The following PCDHGB5 variants were observed in gnomAD, a reference collection of about 807,000 sequenced individuals.
PCDHGB5 encodes protocadherin gamma-B5.
A neutral mutation model predicts 62.9 loss-of-function variants in PCDHGB5; 48 were observed. The observed-to-expected ratio is 0.76, with a 90% CI of 0.61 to 0.97. The LOEUF is 0.97. Ranked by LOEUF, PCDHGB5 falls within the 50% of genes least tolerant of loss-of-function variation. PCDHGB5 has a pLI of 0.00. For synonymous variants in PCDHGB5, 474 were observed against 511.2 expected (o/e 0.93, Z 0.98); for missense variants, 1,118 against 1,198.6 (o/e 0.93, Z 0.99).
Position 141,430,800 on chromosome 5 carries a change from T to C in PCDHGB5, c.2397+30276T>C, listed in dbSNP as rs770490590. 2.6e-6 allele frequency: 4 copies of C among 1,524,818 alleles called. No homozygotes were observed. In the South Asian group the frequency reaches 5.3e-5, roughly 20 times the overall value. 94.5% of individuals were successfully genotyped at this position (1,524,818 alleles called of 1,614,324 possible). A position where few individuals can be genotyped will look rare whatever the true frequency, so the allele number is the denominator to read the frequency against. ...CTGCACCGGGACTACAAAGGGCTTG[T>C]CCTGCTGGGAATCCTCCTGGGGACT... is the stretch of plus-strand genomic sequence containing the variant. On this transcript the variant is annotated intron_variant, in intron 1 of 3. Transcript: ENST00000617380.
chr5:141,419,539 G>A, intron 1 of PCDHGB5: 3 of 1,612,058 alleles, frequency 1.9e-6, no homozygotes, highest in Non-Finnish European at 2.5e-6. Flanking sequence ...ACAACGCACC[G>A]CGGGTGCTGT....
At chr5:141,497,827 C>T (rs1390986916) in intron 2 of PCDHGB5, among the ~76,000 whole-genome samples, 3 of 152,188 alleles carry the variant, frequency 2.0e-5, no homozygotes, top group East Asian at 3.9e-4. Flanking sequence ...GGTGTGATCG[C>T]CCCCGGCCAC....
At chr5:141,439,266 G>A (rs1314903524) in intron 1 of PCDHGB5, among the ~76,000 whole-genome samples, 1 of 151,952 alleles carries the variant, frequency 6.6e-6, no homozygotes, top group Non-Finnish European at 1.5e-5. Context: ...TCAGCCAACA[G>A]TTCATTCTGA....
In PCDHGB5 at chr5:141,488,566, A is replaced by T. The variant is rs1354931497; in HGVS notation, c.2398-6241A>T. On this transcript the variant is annotated intron_variant, in intron 1 of 3. Coordinates refer to ENST00000617380, the MANE Select transcript of PCDHGB5 (RefSeq NM_018925.3). ...TGTCAGCTGACATTGAGATTTCCGC[A>T]AAGCATTGCTGGAGAGTCAGGGCAA... 5.9e-5 allele frequency among the ~76,000 whole-genome samples: 9 copies of T among 152,324 alleles called. No individual in the cohort carries two copies. In the East Asian group the frequency reaches 1.5e-3, roughly 26 times the overall value.
chr5:141,405,375 C>T lies in PCDHGB5; in HGVS notation c.2397+4851C>T, dbSNP rs368501516. On this transcript the variant is annotated intron_variant, in intron 1 of 3. Transcript: ENST00000617380. ...CCTATAGAAGACACCCCTTTGGTTC[C>T]GGTGAGTTCATTTTTTTTCTTTCTT... The T allele has an allele frequency of 3.2e-5, 51 of 1,602,124 alleles. No individual in the cohort carries two copies. Among genetic ancestry groups the T allele is most frequent in the East Asian group, 6.7e-5 (3 of 44,850 alleles).
intron 1 of PCDHGB5, among the ~76,000 whole-genome samples, chr5:141,463,999 C>A (rs1261262637): frequency 1.3e-5 from 2 of 152,056 alleles, no homozygotes; most frequent in African/African-American, 4.8e-5. Flanking sequence ...GGTGCAGTGG[C>A]TCATGCTTGT....
intron 3 of PCDHGB5, among the ~76,000 whole-genome samples, chr5:141,506,441 T>C (rs1940889203): frequency 9.8e-6 from 1 of 101,930 alleles, no homozygotes; most frequent in South Asian, 3.0e-4. Flanking sequence ...TCTCGCTCTG[T>C]CTCAAAAAAA....
chr5:141,422,833 C>T, intron 1 of PCDHGB5: 2 of 1,614,224 alleles, frequency 1.2e-6, no homozygotes, highest in East Asian at 2.2e-5. Context: ...AGTGATAGCA[C>T]GTGACAGCGG....
chr5:141,432,561 A>C lies in PCDHGB5; in HGVS notation c.2397+32037A>C, dbSNP rs746684751. On this transcript the variant is annotated intron_variant, in intron 1 of 3. Transcript: ENST00000617380. This position sits in a 1 kb window ranked among gnomAD's most constrained non-coding sequence, Gnocchi z 6.0. Reference sequence around the variant, plus strand: ...GCGGTGGACAGAGACTCCGGCCAGAACGCCTGGCTGTCCTACCGTCTGCTC... The same window carrying C: ...GCGGTGGACAGAGACTCCGGCCAGACCGCCTGGCTGTCCTACCGTCTGCTC... 37 of 1,613,308 alleles carry C rather than the reference A, an allele frequency of 2.3e-5. 1 individual carries two copies. The highest frequency in any genetic ancestry group is 2.7e-5 in the African/African-American group (2 of 74,712).
rs1430647254 is a variant in PCDHGB5 at position 141,477,750 on chromosome 5, C to T, written c.2398-17057C>T. On this transcript the variant is annotated intron_variant, in intron 1 of 3. Coordinates refer to ENST00000617380, the MANE Select transcript of PCDHGB5 (RefSeq NM_018925.3). This position sits in a 1 kb window ranked among gnomAD's most constrained non-coding sequence, Gnocchi z 4.9. ...GCTCATATCAGCGATGGGGGCACCC[C>T]GGTCCTAGCCACCAACATCAGCGTG... 8 of 1,613,772 alleles carry T rather than the reference C, an allele frequency of 5.0e-6. No individual in the cohort carries two copies. Among genetic ancestry groups the T allele is most frequent in the East Asian group, 2.2e-5 (1 of 44,890 alleles).
rs866752085 is a variant in PCDHGB5, at chr5:141,424,634, A to G, written c.2397+24110A>G. ...AATAGAGTAGTTTGTGAATATATAA[A>G]TAGATTGAAGGTATTTGGACTTTAA... On this transcript the variant is annotated intron_variant, in intron 1 of 3. Coordinates refer to ENST00000617380, the MANE Select transcript of PCDHGB5 (RefSeq NM_018925.3). 6 of 152,338 alleles carry G rather than the reference A, an allele frequency of 3.9e-5. No individual in the cohort carries two copies. The South Asian group carries it at 1.2e-3, about 32-fold the overall frequency. 9.4% of individuals were successfully genotyped at this position (152,338 alleles called of 1,614,324 possible).
At chr5:141,409,898 G>A in intron 1 of PCDHGB5, 1 of 1,613,240 alleles carries the variant, frequency 6.2e-7, no homozygotes, top group Non-Finnish European at 8.5e-7. Flanking sequence ...GCTGTACCCA[G>A]CTCTGGGTCC....
Position 141,489,662 on chromosome 5 carries a change from G to T in PCDHGB5, c.2398-5145G>T, listed in dbSNP as rs2233601. On this transcript the variant is annotated intron_variant, in intron 1 of 3. Transcript: ENST00000617380. The surrounding 1 kb of genome is among the most constrained non-coding windows in gnomAD (Gnocchi z 4.5). Reference sequence around the variant, plus strand: ...TTTGCCACCCCTGAGCGAGAGATGCGCATCTCAGAATCAGCAGCATCTGGG... The same window carrying T: ...TTTGCCACCCCTGAGCGAGAGATGCTCATCTCAGAATCAGCAGCATCTGGG... 2.5e-6 allele frequency: 4 copies of T among 1,614,024 alleles called. No homozygotes were observed. The African/African-American group carries it at 4.0e-5, about 16-fold the overall frequency.
chr5:141,409,686 A>T, intron 1 of PCDHGB5: 3 of 1,613,350 alleles, frequency 1.9e-6, no homozygotes, highest in Non-Finnish European at 2.5e-6. Context: ...GTGGCGAGTG[A>T]CCTAGAGCCC....
At position 141,491,744 on chromosome 5, in the gene PCDHGB5, C is replaced by T; in HGVS notation, c.2398-3063C>T. 6.3e-7 allele frequency: 1 copy of T among 1,592,720 alleles called. No individual in the cohort carries two copies. Among genetic ancestry groups the T allele is most frequent in the African/African-American group, 1.3e-5 (1 of 74,122 alleles). Reference sequence around the variant, plus strand: ...CCCCGGGCGACCCCTGGGGGCGGCACTGGAGAAGCCGCCCGTCCTCATAAG... The same window carrying T: ...CCCCGGGCGACCCCTGGGGGCGGCATTGGAGAAGCCGCCCGTCCTCATAAG... On this transcript the variant is annotated intron_variant, in intron 1 of 3. Transcript: ENST00000617380. The surrounding 1 kb of genome is among the most constrained non-coding windows in gnomAD (Gnocchi z 6.9).
Position 141,489,381 on chromosome 5 carries a change from T to C in PCDHGB5, c.2398-5426T>C. 3 of 1,613,894 alleles carry C rather than the reference T, an allele frequency of 1.9e-6. No individual in the cohort carries two copies. The highest frequency in any genetic ancestry group is 2.5e-6 in the Non-Finnish European group (3 of 1,179,802). On this transcript the variant is annotated intron_variant, in intron 1 of 3. Coordinates refer to ENST00000617380, the MANE Select transcript of PCDHGB5 (RefSeq NM_018925.3). The surrounding 1 kb of genome is among the most constrained non-coding windows in gnomAD (Gnocchi z 4.5). ...CTGAGCCGGGGACGCTGGTGGGGAA[T>C]GTTGCTCAGGATCTGGGCTTAAAGA...
rs1257565821 is a variant in PCDHGB5, at chr5:141,487,319, C to G, written c.2398-7488C>G. ...ATTCGTGGCACTACTCTCTAAGTGTCTTCGTGGGGCAGCCTGTGGAGTCAC... is the reference window on the plus strand; with the variant it reads ...ATTCGTGGCACTACTCTCTAAGTGTGTTCGTGGGGCAGCCTGTGGAGTCAC... On this transcript the variant is annotated intron_variant, in intron 1 of 3. Transcript: ENST00000617380. The surrounding 1 kb of genome is among the most constrained non-coding windows in gnomAD (Gnocchi z 5.0). The G allele has an allele frequency of 6.2e-7, 1 of 1,614,052 alleles. No homozygotes were observed. The highest frequency in any genetic ancestry group is 1.3e-5 in the African/African-American group (1 of 74,930).
Position 141,404,690 on chromosome 5 carries a change from C to T in PCDHGB5, c.2397+4166C>T, listed in dbSNP as rs199517824. The T allele has an allele frequency of 1.9e-4, 304 of 1,613,808 alleles. 1 individual carries two copies. Among genetic ancestry groups the T allele is most frequent in the Non-Finnish European group, 2.1e-4 (250 of 1,179,844 alleles). On this transcript the variant is annotated intron_variant, in intron 1 of 3. Coordinates refer to ENST00000617380, the MANE Select transcript of PCDHGB5 (RefSeq NM_018925.3). ...TTCTACTGGTGTGGAGCTGGCACCC[C>T]GCTCTGCAGAGCCTGGCTACCTGGT...
intron 1 of PCDHGB5, chr5:141,475,820 C>G (rs890721743): frequency 1.1e-5 from 4 of 351,810 alleles, no homozygotes; most frequent in Non-Finnish European, 1.5e-5. Context: ...AAGTTCCTGG[C>G]GCTAGCGCGT....
Sources: gnomAD v4.1 joint callset for allele counts (sites outside exome capture counted in the v4.1 genomes callset) on GRCh38, gnomAD v4.1.1 for gene constraint, Gnocchi (gnomAD v3.1) non-coding constraint, MANE v1.5 for transcripts, NCBI Gene and HGNC (gene_info 2026-07-23, HGNC 2026-07-21) for gene names.